Variants in ATP2A2 observed in about 807,000 individuals in gnomAD.
The protein encoded by ATP2A2 is ATPase sarcoplasmic/endoplasmic reticulum Ca2+ transporting 2.
In ATP2A2, 14 loss-of-function variants were observed where a neutral mutation model predicts 109.3. The ratio of observed to expected loss-of-function variants is 0.13; its 90% CI spans 0.08 to 0.20. ATP2A2 has a LOEUF of 0.20. ATP2A2 is among the 10% of genes least tolerant of loss of function. The pLI, the probability that ATP2A2 is intolerant of heterozygous loss-of-function variation, is 1.00. For missense variants in ATP2A2, 657 were observed against 1,321.6 expected (o/e 0.50, Z 7.80); for synonymous variants, 506 against 490.9 (o/e 1.03, Z -0.41).
chr12:110,340,977 G>A lies in ATP2A2; in HGVS notation c.2080G>A (p.Asp694Asn). 6.2e-7 allele frequency: 1 copy of A among 1,614,172 alleles called. No homozygotes were observed. The highest frequency in any genetic ancestry group is 8.5e-7 in the Non-Finnish European group (1 of 1,180,022). The change falls in exon 14 of 20, where the codon GAT becomes AAT. Residue 694 changes from aspartate (D) to asparagine (N), a missense_variant. Coordinates refer to ENST00000539276, the MANE Select transcript of ATP2A2 (RefSeq NM_170665.4). The surrounding 1 kb of genome is among the most constrained non-coding windows in gnomAD (Gnocchi z 6.0). ...SKIVEFLQSF[D>N]EITAMTGDGV... Reference sequence around the variant, plus strand: ...AATCGTAGAATTTCTTCAGTCTTTTGATGAGATTACAGCTATGGTGAGCAT... The same window carrying A: ...AATCGTAGAATTTCTTCAGTCTTTTAATGAGATTACAGCTATGGTGAGCAT...
intron 3 of ATP2A2, among the ~76,000 whole-genome samples, chr12:110,285,928 T>TC (rs1387702040): frequency 6.6e-6 from 1 of 151,168 alleles, no homozygotes; most frequent in East Asian, 1.9e-4. Context: ...TTTTTTTTTT[T>TC]TTTTTTTAAA....
In ATP2A2 at chr12:110,281,769, G is replaced by C; in HGVS notation, c.-21G>C. ...GGAGGCCGCGGGGACGGGAGGCGAG[G>C]CCGGCCGGGCCCCCGAAGCCATGGA... On this transcript the variant is annotated 5_prime_UTR_variant, in exon 1 of 20. Transcript: ENST00000539276. 1 of 1,467,502 alleles carries C rather than the reference G, an allele frequency of 6.8e-7. No individual in the cohort carries two copies. Among genetic ancestry groups the C allele is most frequent in the South Asian group, 1.3e-5 (1 of 76,210 alleles). The allele number at this position is 1,467,502 out of a possible 1,614,324, so 90.9% of individuals were successfully genotyped here. A position where few individuals can be genotyped will look rare whatever the true frequency, so the allele number is the denominator to read the frequency against.
chr12:110,312,934 C>T (rs1876249187), intron 5 of ATP2A2, among the ~76,000 whole-genome samples: 1 of 151,572 alleles, frequency 6.6e-6, no homozygotes. Flanking sequence ...CCTCTGTTTC[C>T]AAAGCCAAGG....
chr12:110,305,788 A>C (rs1209719610), intron 5 of ATP2A2, among the ~76,000 whole-genome samples: 1 of 152,140 alleles, frequency 6.6e-6, no homozygotes, highest in East Asian at 1.9e-4. Flanking sequence ...TATTTTCAGT[A>C]AGAATTGTGT....
At chr12:110,282,921 T>A in intron 3 of ATP2A2, 126 bp downstream of exon 3, 1 of 852,900 alleles carries the variant, frequency 1.2e-6, no homozygotes, top group Non-Finnish European at 1.9e-6. Context: ...TCTCTATGTT[T>A]AAAAACAATC....
intron 5 of ATP2A2, among the ~76,000 whole-genome samples, chr12:110,314,099 C>G (rs1005174829): frequency 6.6e-6 from 1 of 151,692 alleles, no homozygotes. Flanking sequence ...GAGGCCGAGG[C>G]GGGCAGATCA....
chr12:110,311,535 G>A lies in ATP2A2; in HGVS notation c.464-11457G>A, dbSNP rs1474097406. Among the ~76,000 whole-genome samples the A allele has an allele frequency of 2.8e-5, 4 of 142,954 alleles. No homozygotes were observed. In the East Asian group the frequency reaches 6.3e-4, roughly 23 times the overall value. 93.8% of individuals were successfully genotyped at this position (142,954 alleles called of 152,430 possible). A position where few individuals can be genotyped will look rare whatever the true frequency, so the allele number is the denominator to read the frequency against. ...TACTTGAACCCAGGGGGCAGAGGTT[G>A]CAGTGAGCCAAGATCGCGCCACTGC... On this transcript the variant is annotated intron_variant, in intron 5 of 19. Coordinates refer to ENST00000539276, the MANE Select transcript of ATP2A2 (RefSeq NM_170665.4).
At chr12:110,283,264 T>TGACG (rs1872333997) in intron 3 of ATP2A2, among the ~76,000 whole-genome samples, 1 of 152,252 alleles carries the variant, frequency 6.6e-6, no homozygotes, top group African/African-American at 2.4e-5. Context: ...ACAAGAATGA[T>TGACG]GACGGCTGTG....
intron 5 of ATP2A2, among the ~76,000 whole-genome samples, chr12:110,313,297 G>A (rs1442399052): frequency 6.7e-6 from 1 of 149,958 alleles, no homozygotes; most frequent in African/African-American, 2.5e-5. Flanking sequence ...ATGTGGTTTG[G>A]GAACCACCTT....
chr12:110,334,581 TA>T (rs1348533455), intron 11 of ATP2A2, among the ~76,000 whole-genome samples: 2 of 146,044 alleles, frequency 1.4e-5, no homozygotes, highest in African/African-American at 2.5e-5. Context: ...CCTGTTCAAT[TA>T]AACCTTTTTT....
intron 5 of ATP2A2, among the ~76,000 whole-genome samples, chr12:110,309,352 T>C (rs1875749670): frequency 6.6e-6 from 1 of 151,298 alleles, no homozygotes; most frequent in Non-Finnish European, 1.5e-5. Context: ...GAGACAGGGT[T>C]TCACCATGTT....
chr12:110,338,161 C>T (rs1879018249), intron 11 of ATP2A2, among the ~76,000 whole-genome samples: 1 of 152,186 alleles, frequency 6.6e-6, no homozygotes, highest in Non-Finnish European at 1.5e-5. Flanking sequence ...AGTCCTCAGC[C>T]ATTTCTGTCT....
Position 110,327,918 on chromosome 12 carries a change from T to G in ATP2A2, c.996T>G (p.Ile332Met). 1.2e-6 allele frequency: 2 copies of G among 1,613,996 alleles called. No homozygotes were observed. The highest frequency in any genetic ancestry group is 1.7e-6 in the Non-Finnish European group (2 of 1,179,892). Residue 332 changes from isoleucine to methionine, a missense_variant, in exon 8 of 20, where the codon ATT becomes ATG. By Grantham distance (10) the Ile-to-Met change is conservative. Transcript: ENST00000539276. The surrounding 1 kb of genome is among the most constrained non-coding windows in gnomAD (Gnocchi z 4.4). ...GCAGAATGGCAAAGAAAAATGCCAT[T>G]GTTCGAAGCCTCCCGTCTGTGGAAA... ...GTRRMAKKNA[I>M]VRSLPSVETL...
intron 4 of ATP2A2, among the ~76,000 whole-genome samples, chr12:110,293,824 A>ATGTGTG (rs1260963887): frequency 1.2e-3 from 150 of 126,416 alleles, no homozygotes; most frequent in Middle Eastern, 4.1e-3. Flanking sequence ...TGTGCCATAT[A>ATGTGTG]TATGTGTGTG....
chr12:110,336,939 G>A (rs1304737613), intron 11 of ATP2A2, among the ~76,000 whole-genome samples: 1 of 152,146 alleles, frequency 6.6e-6, no homozygotes, highest in Non-Finnish European at 1.5e-5. Context: ...AAAATCTGAG[G>A]CAGCCTGAAA....
At chr12:110,309,908 CA>C (rs58660341) in intron 5 of ATP2A2, among the ~76,000 whole-genome samples, 42,129 of 135,524 alleles carry the variant, frequency 0.31, 6,451 homozygotes, top group African/African-American at 0.41. Flanking sequence ...GACCCTGACT[CA>C]AAAAAAAAAA....
chr12:110,315,390 A>AT (rs960282758), intron 5 of ATP2A2, among the ~76,000 whole-genome samples: 3 of 152,160 alleles, frequency 2.0e-5, no homozygotes, highest in African/African-American at 7.2e-5. Context: ...GATCAGTGTC[A>AT]TTTTTTTAGT....
intron 3 of ATP2A2, among the ~76,000 whole-genome samples, chr12:110,283,559 A>T (rs1406009313): frequency 1.3e-5 from 2 of 152,140 alleles, no homozygotes; most frequent in Admixed American, 6.6e-5. Flanking sequence ...ACTTTTTTTT[A>T]AATGTTCGGT....
At position 110,327,354 on chromosome 12, in the gene ATP2A2, C is replaced by A. The variant is rs1877910892; in HGVS notation, c.631-199C>A. ...AAATAGAAATCTAGGTGGGTCAGTA[C>A]AGAGCTGCCTGACATAAGTAAGTAG... On this transcript the variant is annotated intron_variant, in intron 7 of 19. Coordinates refer to ENST00000539276, the MANE Select transcript of ATP2A2 (RefSeq NM_170665.4). This position sits in a 1 kb window ranked among gnomAD's most constrained non-coding sequence, Gnocchi z 4.4. 6.6e-6 allele frequency among the ~76,000 whole-genome samples: 1 copy of A among 152,136 alleles called. No homozygotes were observed. The highest frequency in any genetic ancestry group is 2.1e-4 in the South Asian group (1 of 4,826).
Sources: gnomAD v4.1 joint callset for allele counts (sites outside exome capture counted in the v4.1 genomes callset) on GRCh38, gnomAD v4.1.1 for gene constraint, Gnocchi (gnomAD v3.1) non-coding constraint, MANE v1.5 for transcripts, NCBI Gene and HGNC (gene_info 2026-07-23, HGNC 2026-07-21) for gene names.